The following PPM1J variants were observed in gnomAD, a reference collection of about 807,000 sequenced individuals.
PPM1J encodes protein phosphatase 1J.
In PPM1J, 43 loss-of-function variants were observed where a neutral mutation model predicts 53.3. The observed-to-expected ratio is 0.81, with a 90% confidence interval of 0.63 to 1.04. PPM1J has a LOEUF of 1.04. Ranked by LOEUF, PPM1J falls within the 50% of genes least tolerant of loss-of-function variation. PPM1J has a pLI of 0.00. For synonymous variants in PPM1J, 267 were observed against 286.4 expected, an observed-to-expected ratio of 0.93 and a Z score of 0.68; for missense variants, 635 against 685.9, an observed-to-expected ratio of 0.93 and a Z score of 0.83.
rs751978266 is a variant in PPM1J, at chr1:112,711,018, T to TC, written c.1099dup (p.Glu367GlyfsTer23). 1 of 1,613,710 alleles carries TC rather than the reference T, an allele frequency of 6.2e-7. No individual in the cohort carries two copies. Among genetic ancestry groups the TC allele is most frequent in the African/African-American group, 1.3e-5 (1 of 74,840 alleles). ...TACCATGGAGTTTACCTTTTTGCCC[T>TC]CCCCACAGACCAGAGGAAACCTGAG... On this transcript the variant is annotated frameshift_variant, in exon 7 of 10. Transcript: ENST00000309276. LOFTEE classifies it high-confidence loss of function.
chr1:112,713,199 A>G (rs1675115849), intron 2 of PPM1J, among the ~76,000 whole-genome samples, 168 bp from the exon 3 acceptor site: 1 of 152,112 alleles, frequency 6.6e-6, no homozygotes, highest in African/African-American at 2.4e-5. Context: ...AAGGCTTCGT[A>G]TGTGTCAAGA....
intron 5 of PPM1J, among the ~76,000 whole-genome samples, chr1:112,711,645 G>C (rs7522283): frequency 0.77 from 116,990 of 152,104 alleles, 45,478 homozygotes; most frequent in South Asian, 0.83. Context: ...GATGCATCCC[G>C]GGCTTCCAGC....
intron 1 of PPM1J, chr1:112,714,533 G>A: frequency 1.0e-6 from 1 of 993,882 alleles, no homozygotes; most frequent in Non-Finnish European, 1.2e-6. Context: ...AAGAGGGACA[G>A]GGAACTGGGG....
intron 4 of PPM1J, 34 bp downstream of exon 4, chr1:112,712,311 C>G: frequency 6.7e-7 from 1 of 1,498,798 alleles, no homozygotes; most frequent in Non-Finnish European, 9.1e-7. Flanking sequence ...GAGTGTGGCC[C>G]TCTGTCGCCA....
In PPM1J at chr1:112,713,454, G is replaced by A. The variant is rs1675121324; in HGVS notation, c.441+43C>T. On this transcript the variant is annotated intron_variant, in intron 2 of 9. Coordinates refer to ENST00000309276, the MANE Select transcript of PPM1J (RefSeq NM_005167.7). ...TAAAACCAGAGGCCTGAGTCCCTGG[G>A]GAGAGGTGTCACTGTGTCTCTGGGA... The A allele has an allele frequency of 2.9e-6, 4 of 1,380,374 alleles. No individual in the cohort carries two copies. The South Asian group carries it at 4.6e-5, about 16-fold the overall frequency. 85.5% of individuals were successfully genotyped at this position (1,380,374 alleles called of 1,614,324 possible).
At chr1:112,713,970 G>T in intron 1 of PPM1J, 3 of 1,033,938 alleles carry the variant, frequency 2.9e-6, no homozygotes, top group East Asian at 5.2e-5. Context: ...TTACTTCCCT[G>T]CTAGCTAGAC....
chr1:112,712,590 G>C (rs12137976), intron 3 of PPM1J, 133 bp from the exon 4 acceptor site: 2 of 1,105,520 alleles, frequency 1.8e-6, no homozygotes, highest in Non-Finnish European at 2.6e-6. Context: ...AGGGAAGACT[G>C]GGGTGTAACT....
intron 1 of PPM1J, chr1:112,714,513 G>C (rs953902280): frequency 7.4e-5 from 73 of 989,436 alleles, no homozygotes; most frequent in Non-Finnish European, 8.5e-5. Flanking sequence ...AGGGGGAGGG[G>C]AACTACGGTA....
At position 112,715,281 on chromosome 1, in the gene PPM1J, C is replaced by A; in HGVS notation, c.21G>T (p.Ser7=). 1 of 1,315,070 alleles carries A rather than the reference C, an allele frequency of 7.6e-7. No individual in the cohort carries two copies. Among genetic ancestry groups the A allele is most frequent in the Non-Finnish European group, 9.7e-7 (1 of 1,035,642 alleles). 81.5% of individuals were successfully genotyped at this position (1,315,070 alleles called of 1,614,324 possible). A position where few individuals can be genotyped will look rare whatever the true frequency, so the allele number is the denominator to read the frequency against. The change falls in exon 1 of 10, where the codon TCG becomes TCT. Residue 7 remains serine, a synonymous_variant. Transcript: ENST00000309276. This position sits in a 1 kb window ranked among gnomAD's most constrained non-coding sequence, Gnocchi z 4.4. ...CGGAGCTCACCAGGTGCGCCACGGCCGAGCGCACCCGGTTTAGCATGCTGC... is the reference window on the plus strand; with the variant it reads ...CGGAGCTCACCAGGTGCGCCACGGCAGAGCGCACCCGGTTTAGCATGCTGC... MLNRVR[S]AVAHLVSSGG... is the part of the protein sequence containing the mutation.
intron 2 of PPM1J, 144 bp downstream of exon 2, chr1:112,713,353 T>C: frequency 3.1e-6 from 2 of 640,732 alleles, no homozygotes; most frequent in Non-Finnish European, 5.6e-6. Flanking sequence ...ATCTAACTGA[T>C]GAATACCAGG....
intron 2 of PPM1J, 33 bp from the exon 3 acceptor site, chr1:112,713,064 T>TTGTGTGTGTGTGTGTGTGTGTGTGTGTG (rs36095892): frequency 2.0e-6 from 2 of 996,570 alleles, no homozygotes; most frequent in African/African-American, 3.3e-5. Context: ...TGAGTTTTGT[T>TTGTGTGTGTGTGTGTGTGTGTGTGTGTG]TGTGTGTGTG....
At chr1:112,711,842 C>T in intron 5 of PPM1J, 129 bp downstream of exon 5, 1 of 658,520 alleles carries the variant, frequency 1.5e-6, no homozygotes, top group East Asian at 2.8e-5. Flanking sequence ...CCATAGTCCA[C>T]ACAGCGGCCT....
intron 1 of PPM1J, chr1:112,714,598 A>T: frequency 1.9e-6 from 2 of 1,041,790 alleles, no homozygotes; most frequent in Non-Finnish European, 2.3e-6. Flanking sequence ...GTCCCCTATT[A>T]AAAAGAACCC....
rs929777395 is a variant in PPM1J at position 112,715,206 on chromosome 1, G to A, written c.96C>T (p.Ala32=). 9.0e-6 allele frequency: 13 copies of A among 1,447,292 alleles called. No individual in the cohort carries two copies. The highest frequency in any genetic ancestry group is 9.0e-5 in the Admixed American group (3 of 33,486). 89.7% of individuals were successfully genotyped at this position (1,447,292 alleles called of 1,614,324 possible). A position where few individuals can be genotyped will look rare whatever the true frequency, so the allele number is the denominator to read the frequency against. Residue 32 remains alanine, a synonymous_variant, in exon 1 of 10, where the codon GCC becomes GCT. Transcript: ENST00000309276. This position sits in a 1 kb window ranked among gnomAD's most constrained non-coding sequence, Gnocchi z 4.4. ...RPKSPDLPNA[A]SAPPAAAPEA... ...CTGGAGCGGCGGCGGGCGGCGCCGAGGCGGCGTTGGGCAGGTCCGGGGATT... is the reference window on the plus strand; with the variant it reads ...CTGGAGCGGCGGCGGGCGGCGCCGAAGCGGCGTTGGGCAGGTCCGGGGATT...
intron 8 of PPM1J, 65 bp downstream of exon 8, chr1:112,710,679 G>C (rs899959642): frequency 6.2e-7 from 1 of 1,613,210 alleles, no homozygotes; most frequent in African/African-American, 1.3e-5. Flanking sequence ...TGGAGATAAA[G>C]GGACTGCAGA....
chr1:112,713,700 C>T (rs984552247), intron 1 of PPM1J, 89 bp from the exon 2 acceptor site: 4 of 1,095,468 alleles, frequency 3.7e-6, no homozygotes, highest in Admixed American at 1.7e-5. Context: ...CTCCTGCGCC[C>T]GCTGGCCAAG....
chr1:112,711,427 T>C lies in PPM1J; in HGVS notation c.928-43A>G, dbSNP rs189913174. ...CAGAACAGAGAGCCAGGGGGCATTA[T>C]GCTCACAGCACACGGTGGCACACAG... On this transcript the variant is annotated intron_variant, in intron 5 of 9. Transcript: ENST00000309276. 3.3e-4 allele frequency: 403 copies of C among 1,223,534 alleles called. 1 individual carries two copies. The African/African-American group carries it at 4.6e-3, about 14-fold the overall frequency. The allele number at this position is 1,223,534 out of a possible 1,614,324, so 75.8% of individuals were successfully genotyped here. A position where few individuals can be genotyped will look rare whatever the true frequency, so the allele number is the denominator to read the frequency against.
intron 1 of PPM1J, 43 bp downstream of exon 1, chr1:112,714,933 G>A: frequency 7.4e-7 from 1 of 1,347,070 alleles, no homozygotes; most frequent in South Asian, 1.7e-5. Context: ...GGGGAGAGGG[G>A]TGGGAGCCCC....
rs1675153056 is a variant in PPM1J, at chr1:112,714,643, T to C, written c.326+333A>G. The C allele has an allele frequency of 3.4e-6, 4 of 1,164,934 alleles. No individual in the cohort carries two copies. The South Asian group carries it at 1.6e-4, about 47-fold the overall frequency. The allele number at this position is 1,164,934 out of a possible 1,614,324, so 72.2% of individuals were successfully genotyped here. On this transcript the variant is annotated intron_variant, in intron 1 of 9. Transcript: ENST00000309276. ...GTGAAACCCCTTTTCCCTTAGCCTTTAAGCTGCCGGGCCGCGACGGGGAAC... is the reference window on the plus strand; with the variant it reads ...GTGAAACCCCTTTTCCCTTAGCCTTCAAGCTGCCGGGCCGCGACGGGGAAC...
Sources: allele counts gnomAD v4.1 joint callset (sites outside exome capture counted in the v4.1 genomes callset), GRCh38; gene constraint gnomAD v4.1.1; non-coding constraint Gnocchi (gnomAD v3.1); transcripts MANE v1.5; gene names NCBI Gene and HGNC (gene_info 2026-07-23, HGNC 2026-07-21).